SHISA9: variants seen among roughly 807,000 people sequenced by gnomAD.
The protein encoded by SHISA9 is protein shisa-9.
A neutral mutation model predicts 38.0 loss-of-function variants in SHISA9; 13 were observed. The ratio of observed to expected loss-of-function variants is 0.34; its 90% CI spans 0.22 to 0.54. The LOEUF is 0.54. SHISA9 is among the 20% of genes least tolerant of loss of function. SHISA9 has a pLI of 0.91. For missense variants in SHISA9, 538 were observed against 575.8 expected (o/e 0.93, Z 0.67); for synonymous variants, 275 against 242.0 (o/e 1.14, Z -1.27).
At chr16:12,943,314 TGTGTGTGTGTGTGTGTGAGAGAGAGA>T (rs2071640457) in intron 2 of SHISA9, among the ~76,000 whole-genome samples, 37 of 41,754 alleles carry the variant, frequency 8.9e-4, no homozygotes, top group African/African-American at 2.1e-3. Context: ...TGTGTGTGTG[TGTGTGTGTGTGTGTGTGAGAGAGAGA>T]GAGAGAGAGA....
chr16:13,266,468 G>GAGGA, the SHISA9 span, among the ~76,000 whole-genome samples: 1 of 152,166 alleles, frequency 6.6e-6, no homozygotes, highest in Admixed American at 6.5e-5. Flanking sequence ...TTCCCACCAT[G>GAGGA]AGGATTGTCC....
At chr16:13,451,895 A>G in the SHISA9 span, among the ~76,000 whole-genome samples, 2 of 152,178 alleles carry the variant, frequency 1.3e-5, no homozygotes, top group African/African-American at 4.8e-5. Context: ...CATTCTTCTC[A>G]GGGCTTCGGA....
intron 2 of SHISA9, among the ~76,000 whole-genome samples, chr16:13,176,659 C>T (rs140295119): frequency 3.0e-4 from 46 of 152,290 alleles, no homozygotes; most frequent in African/African-American, 1.1e-3. Flanking sequence ...ACTAGTGATG[C>T]CCATTCCATC....
the SHISA9 span, among the ~76,000 whole-genome samples, chr16:13,409,016 C>G: frequency 1.7e-3 from 258 of 152,256 alleles, 3 homozygotes; most frequent in African/African-American, 6.0e-3. Context: ...CTATCCTGTA[C>G]CCGTATAAAC....
At chr16:13,506,737 C>T in the SHISA9 span, among the ~76,000 whole-genome samples, 1 of 152,030 alleles carries the variant, frequency 6.6e-6, no homozygotes, top group South Asian at 2.1e-4. Context: ...GATCTGCACA[C>T]CATCTTAAAG....
At chr16:13,106,354 C>T (rs2073925249) in intron 2 of SHISA9, among the ~76,000 whole-genome samples, 1 of 152,192 alleles carries the variant, frequency 6.6e-6, no homozygotes, top group African/African-American at 2.4e-5. Context: ...TAAGTTCCTG[C>T]ATCAGAGTCC....
At chr16:13,368,534 G>A in the SHISA9 span, among the ~76,000 whole-genome samples, 15 of 152,120 alleles carry the variant, frequency 9.9e-5, no homozygotes, top group Non-Finnish European at 2.2e-4. Flanking sequence ...GAAGAGAGAG[G>A]ATAGTGGAGA....
chr16:13,165,329 G>T (rs1302067971), intron 2 of SHISA9, among the ~76,000 whole-genome samples: 1 of 152,040 alleles, frequency 6.6e-6, no homozygotes, highest in East Asian at 1.9e-4. Flanking sequence ...GTGTTTTCCA[G>T]TTTACTAACA....
At chr16:13,108,727 A>C (rs1322304499) in intron 2 of SHISA9, among the ~76,000 whole-genome samples, 1 of 152,214 alleles carries the variant, frequency 6.6e-6, no homozygotes, top group East Asian at 1.9e-4. Context: ...GCTTTTTACC[A>C]TTGGGGGAAA....
chr16:13,250,311 C>A, the SHISA9 span, among the ~76,000 whole-genome samples: 1 of 152,094 alleles, frequency 6.6e-6, no homozygotes, highest in East Asian at 1.9e-4. Context: ...GCAGGAGGTA[C>A]AATTAGCAGT....
chr16:13,339,950 T>C, the SHISA9 span, among the ~76,000 whole-genome samples: 3 of 152,206 alleles, frequency 2.0e-5, no homozygotes, highest in South Asian at 6.2e-4. Flanking sequence ...TTATTATTAA[T>C]TGGACTCTGC....
intron 2 of SHISA9, 85 bp downstream of exon 2, chr16:12,916,900 G>A (rs1490397259): frequency 6.9e-7 from 1 of 1,452,188 alleles, no homozygotes; most frequent in East Asian, 2.6e-5. Flanking sequence ...GAGTGTGCTT[G>A]GGTTAGTTAA....
chr16:13,200,440 A>AG (rs999164224), intron 2 of SHISA9, among the ~76,000 whole-genome samples: 23 of 150,146 alleles, frequency 1.5e-4, no homozygotes, highest in East Asian at 5.9e-4. Flanking sequence ...ACACACACAC[A>AG]CAGCAGCAGC....
chr16:13,361,668 C>T, the SHISA9 span, among the ~76,000 whole-genome samples: 142 of 152,282 alleles, frequency 9.3e-4, no homozygotes, highest in African/African-American at 3.1e-3. Flanking sequence ...CATGTTCTTC[C>T]ACTCATGTGC....
At chr16:13,561,331 T>C in the SHISA9 span, among the ~76,000 whole-genome samples, 12 of 152,146 alleles carry the variant, frequency 7.9e-5, no homozygotes, top group Admixed American at 5.2e-4. Flanking sequence ...CTGCATTTCT[T>C]ACATAACTTG....
chr16:13,122,245 C>T (rs370114607), intron 2 of SHISA9, among the ~76,000 whole-genome samples: 1 of 152,306 alleles, frequency 6.6e-6, no homozygotes, highest in Non-Finnish European at 1.5e-5. Context: ...CAGTCACTGC[C>T]GAATTCTTTT....
intron 2 of SHISA9, among the ~76,000 whole-genome samples, chr16:13,031,774 A>C (rs970206898): frequency 2.6e-5 from 4 of 152,248 alleles, no homozygotes; most frequent in African/African-American, 9.6e-5. Flanking sequence ...GAATTTGCAC[A>C]AGTGAGATTG....
downstream of SHISA9, among the ~76,000 whole-genome samples, chr16:13,243,562 A>G (rs2051450543): frequency 6.6e-6 from 1 of 152,174 alleles, no homozygotes; most frequent in African/African-American, 2.4e-5. Context: ...GAGGTAGTGG[A>G]GTCCAAAGTT....
At chr16:13,554,988 C>T in the SHISA9 span, among the ~76,000 whole-genome samples, 20 of 152,342 alleles carry the variant, frequency 1.3e-4, no homozygotes, top group South Asian at 2.7e-3. Context: ...TATTCATTTA[C>T]TCAAATCAAT....
Sources: allele counts gnomAD v4.1 joint callset (sites outside exome capture counted in the v4.1 genomes callset), GRCh38; gene constraint gnomAD v4.1.1; transcripts MANE v1.5; gene names NCBI Gene and HGNC (gene_info 2026-07-23, HGNC 2026-07-21).